The following PCDHAC1 variants were observed in gnomAD, a reference collection of about 807,000 sequenced individuals.
PCDHAC1 encodes protocadherin alpha subfamily C, 1.
Under a neutral mutation model 60.0 loss-of-function variants are expected in PCDHAC1, and 42 were observed. That is an observed-to-expected ratio of 0.70 (90% CI 0.55 to 0.90). The LOEUF is 0.90. PCDHAC1 is among the 40% of genes least tolerant of loss of function. PCDHAC1 has a pLI of 0.00. For synonymous variants in PCDHAC1, 468 were observed against 499.3 expected (o/e 0.94, Z 0.84); for missense variants, 1,160 against 1,222.3 (o/e 0.95, Z 0.76).
At chr5:140,984,784 A>G (rs1022121650) in intron 3 of PCDHAC1, among the ~76,000 whole-genome samples, 4 of 152,168 alleles carry the variant, frequency 2.6e-5, no homozygotes, top group Non-Finnish European at 4.4e-5. Context: ...TTGCTGGGTG[A>G]GCATAGACAA....
At chr5:141,002,557 CAGTT>C (rs2098085452) in intron 3 of PCDHAC1, among the ~76,000 whole-genome samples, 1 of 152,180 alleles carries the variant, frequency 6.6e-6, no homozygotes, top group South Asian at 2.1e-4. Flanking sequence ...CAGGATCCAC[CAGTT>C]AGTGACCATG....
In PCDHAC1 at chr5:141,012,060, A is replaced by T. The variant is rs919882671; in HGVS notation, c.*2123A>T. 3.9e-5 allele frequency: 6 copies of T among 153,766 alleles called. No individual in the cohort carries two copies. The highest frequency in any genetic ancestry group is 8.8e-5 in the Non-Finnish European group (6 of 68,040). 9.5% of individuals were successfully genotyped at this position (153,766 alleles called of 1,614,324 possible). ...GCATGGGGTAAAACTTGTTACCAAC[A>T]CATGTGAACCATTGCTACATTGTAG... On this transcript the variant is annotated 3_prime_UTR_variant, in exon 4 of 4. Transcript: ENST00000253807.
chr5:141,002,923 C>T (rs1261794185), intron 3 of PCDHAC1, among the ~76,000 whole-genome samples: 6 of 152,220 alleles, frequency 3.9e-5, no homozygotes, highest in African/African-American at 1.2e-4. Flanking sequence ...AAAGTGAACA[C>T]CCTCCAACAC....
chr5:140,966,435 C>G (rs1554228292), intron 1 of PCDHAC1: 5 of 423,758 alleles, frequency 1.2e-5, no homozygotes, highest in African/African-American at 1.0e-4. Context: ...GCCCTCCTAC[C>G]GCTCCCTTTC....
intron 1 of PCDHAC1, among the ~76,000 whole-genome samples, chr5:140,937,010 C>A (rs2091260078): frequency 6.6e-6 from 1 of 151,324 alleles, no homozygotes; most frequent in Non-Finnish European, 1.5e-5. Context: ...GACAGACAAC[C>A]GATTAACAAG....
At chr5:140,956,594 T>C (rs2095295015) in intron 1 of PCDHAC1, among the ~76,000 whole-genome samples, 1 of 152,210 alleles carries the variant, frequency 6.6e-6, no homozygotes, top group Non-Finnish European at 1.5e-5. Flanking sequence ...TTATCAGGGA[T>C]ATCAGCTGGA....
intron 1 of PCDHAC1, among the ~76,000 whole-genome samples, chr5:140,964,060 G>A (rs1187796756): frequency 6.6e-6 from 1 of 152,200 alleles, no homozygotes; most frequent in Non-Finnish European, 1.5e-5. Context: ...GTGTGGTCAA[G>A]GCATTAGTGT....
At position 140,927,200 on chromosome 5, in the gene PCDHAC1, A is replaced by C. The variant is rs2083965383; in HGVS notation, c.308A>C (p.Asp103Ala). 6.2e-7 allele frequency: 1 copy of C among 1,613,898 alleles called. No homozygotes were observed. Among genetic ancestry groups the C allele is most frequent in the Non-Finnish European group, 8.5e-7 (1 of 1,180,022 alleles). Residue 103 changes from aspartate (D) to alanine (A), a missense_variant, in exon 1 of 4, where the codon GAC becomes GCC. By Grantham distance (126) the Asp-to-Ala change is moderately radical. Transcript: ENST00000253807. ...TTGACCTACGACCTGGTGCTCGAGG[A>C]CCCGCTGGAGCTGCACAAGATTCGG... ...CVLTYDLVLE[D>A]PLELHKIRIH... is the part of the protein sequence containing the mutation.
In PCDHAC1 at chr5:140,996,437, G is replaced by A. The variant is rs1013018828; in HGVS notation, c.2582-13190G>A. On this transcript the variant is annotated intron_variant, in intron 3 of 3. Coordinates refer to ENST00000253807, the MANE Select transcript of PCDHAC1 (RefSeq NM_018898.5). Reference sequence around the variant, plus strand: ...AGTGTGAAAACTTTGGGAATAGTCAGTGTCAAGTTGTGGTGCTAAGGGAGG... The same window carrying A: ...AGTGTGAAAACTTTGGGAATAGTCAATGTCAAGTTGTGGTGCTAAGGGAGG... Among the ~76,000 whole-genome samples the A allele has an allele frequency of 4.6e-5, 7 of 152,224 alleles. 1 individual carries two copies. The highest frequency in any genetic ancestry group is 2.6e-4 in the Admixed American group (4 of 15,280).
intron 1 of PCDHAC1, among the ~76,000 whole-genome samples, chr5:140,938,453 G>A (rs558258483): frequency 6.6e-6 from 1 of 151,990 alleles, no homozygotes; most frequent in African/African-American, 2.4e-5. Context: ...AGTTCCCTTT[G>A]TTTTTTAATT....
chr5:140,980,628 CAGA>C (rs1554242055), intron 2 of PCDHAC1, among the ~76,000 whole-genome samples: 1 of 150,868 alleles, frequency 6.6e-6, no homozygotes, highest in Non-Finnish European at 1.5e-5. Flanking sequence ...GACTCTGTCT[CAGA>C]AGAATAAATA....
chr5:140,966,923 G>A (rs781929029), intron 1 of PCDHAC1: 36 of 1,602,826 alleles, frequency 2.2e-5, no homozygotes, highest in Non-Finnish European at 3.0e-5. Context: ...AGAGGAGCAG[G>A]CACCCGGCGC....
chr5:141,005,819 G>A, intron 3 of PCDHAC1, among the ~76,000 whole-genome samples: 1 of 151,636 alleles, frequency 6.6e-6, no homozygotes, highest in South Asian at 2.1e-4. Context: ...CAGGTATGGT[G>A]GCCTGTAGTC....
rs2098422568 is a variant in PCDHAC1 at position 141,011,988 on chromosome 5, C to A, written c.*2051C>A. ...AAACTGTCTTGTCTACTTTTAGCTTCATTCTCCCATATTTTGAAGGGTGTG... is the reference window on the plus strand; with the variant it reads ...AAACTGTCTTGTCTACTTTTAGCTTAATTCTCCCATATTTTGAAGGGTGTG... On this transcript the variant is annotated 3_prime_UTR_variant, in exon 4 of 4. Coordinates refer to ENST00000253807, the MANE Select transcript of PCDHAC1 (RefSeq NM_018898.5). 6.5e-6 allele frequency: 1 copy of A among 153,688 alleles called. No individual in the cohort carries two copies. The highest frequency in any genetic ancestry group is 2.4e-5 in the African/African-American group (1 of 41,434). 9.5% of individuals were successfully genotyped at this position (153,688 alleles called of 1,614,324 possible). A position where few individuals can be genotyped will look rare whatever the true frequency, so the allele number is the denominator to read the frequency against.
rs781829757 is a variant in PCDHAC1, at chr5:140,927,795, G to A, written c.903G>A (p.Pro301=). 2.4e-5 allele frequency: 39 copies of A among 1,614,144 alleles called. No homozygotes were observed. The highest frequency in any genetic ancestry group is 3.2e-5 in the Non-Finnish European group (38 of 1,180,030). Residue 301 remains proline (P), a synonymous_variant, in exon 1 of 4, where the codon CCG becomes CCA. Transcript: ENST00000253807. The part of the protein sequence containing the change: ...GEVQVAASLG[P]PETLLEAYIE... ...TGCAAGTAGCTGCTTCACTAGGTCCGCCTGAAACGCTCTTGGAGGCATACA... is the reference window on the plus strand; with the variant it reads ...TGCAAGTAGCTGCTTCACTAGGTCCACCTGAAACGCTCTTGGAGGCATACA...
intron 1 of PCDHAC1, among the ~76,000 whole-genome samples, chr5:140,941,231 C>CTTTCTTTCTTTCTT (rs1563186950): frequency 5.1e-5 from 7 of 136,876 alleles, no homozygotes; most frequent in East Asian, 2.1e-4. Context: ...TTCTTTCTTT[C>CTTTCTTTCTTTCTT]TTTCTTTCTT....
chr5:140,997,559 T>C (rs550494855), intron 3 of PCDHAC1, among the ~76,000 whole-genome samples: 9 of 152,148 alleles, frequency 5.9e-5, no homozygotes, highest in Non-Finnish European at 1.3e-4. Context: ...ACAGGACAAC[T>C]GTCATATGTG....
Position 140,928,240 on chromosome 5 carries a change from C to G in PCDHAC1, c.1348C>G (p.Gln450Glu), listed in dbSNP as rs1174659124. 6.2e-7 allele frequency: 1 copy of G among 1,614,108 alleles called. No homozygotes were observed. Among genetic ancestry groups the G allele is most frequent in the Non-Finnish European group, 8.5e-7 (1 of 1,180,048 alleles). Residue 450 changes from glutamine (Q) to glutamate (E), a missense_variant, in exon 1 of 4, where the codon CAG becomes GAG. By Grantham distance (29) the Gln-to-Glu change is conservative (BLOSUM62 2). Around this residue, in one of 3 missense-constraint regions of PCDHAC1, gnomAD observed 1,113 missense variants for 1,163.7 expected, o/e 0.96. Transcript: ENST00000253807. ...TACACCAAACTTTCCTCAACCCCAG[C>G]AGGAACTTTTCGTTGCTGAAAACAA... ...DNTPNFPQPQ[Q>E]ELFVAENNGP...
chr5:141,010,462 T>A lies in PCDHAC1; in HGVS notation c.*525T>A. On this transcript the variant is annotated 3_prime_UTR_variant, in exon 4 of 4. Transcript: ENST00000253807. ...ACAAATAAACAGCGGAAGTTATCAGTATGGAGGGGAAGTGTAAACTTAAAG... is the reference window on the plus strand; with the variant it reads ...ACAAATAAACAGCGGAAGTTATCAGAATGGAGGGGAAGTGTAAACTTAAAG... The A allele has an allele frequency of 2.4e-6, 2 of 822,568 alleles. No individual in the cohort carries two copies. Among genetic ancestry groups the A allele is most frequent in the Non-Finnish European group, 3.6e-6 (2 of 552,664 alleles). The allele number at this position is 822,568 out of a possible 1,614,324, so 51.0% of individuals were successfully genotyped here.
Sources: allele counts gnomAD v4.1 joint callset (sites outside exome capture counted in the v4.1 genomes callset), GRCh38; gene constraint gnomAD v4.1.1; regional missense constraint gnomAD v4.1.1; transcripts MANE v1.5; gene names NCBI Gene and HGNC (gene_info 2026-07-23, HGNC 2026-07-21).